The following WDR49 variants were observed in gnomAD, a reference collection of about 807,000 sequenced individuals.
WDR49 encodes cilia- and flagella-associated protein 337.
In WDR49, 107 loss-of-function variants were observed where a neutral mutation model predicts 119.5. The observed-to-expected ratio is 0.90, with a 90% CI of 0.77 to 1.05. The LOEUF is 1.05. Among genes scored for constraint, WDR49 ranks in the 50% least tolerant of loss-of-function variants. The pLI, the probability that WDR49 is intolerant of heterozygous loss-of-function variation, is 0.00. For missense variants in WDR49, 1,240 were observed against 1,220.5 expected, an observed-to-expected ratio of 1.02 and a Z score of -0.24; for synonymous variants, 425 against 418.8, an observed-to-expected ratio of 1.01 and a Z score of -0.18.
chr3:167,514,701 G>A (rs1392981763), intron 16 of WDR49, among the ~76,000 whole-genome samples: 3 of 148,064 alleles, frequency 2.0e-5, no homozygotes, highest in Non-Finnish European at 4.5e-5. Context: ...CCCTAAACTG[G>A]CTTTTTGAAA....
At chr3:167,544,954 A>G (rs530291140) in intron 10 of WDR49, among the ~76,000 whole-genome samples, 1 of 152,122 alleles carries the variant, frequency 6.6e-6, no homozygotes, top group East Asian at 1.9e-4. Context: ...TTCAACAAAG[A>G]ATTAATTTCC....
At chr3:167,484,821 T>C (rs937068799) in intron 18 of WDR49, among the ~76,000 whole-genome samples, 1 of 151,930 alleles carries the variant, frequency 6.6e-6, no homozygotes, top group Non-Finnish European at 1.5e-5. Context: ...AGAAATACCA[T>C]TTGACTCAGC....
intron 7 of WDR49, among the ~76,000 whole-genome samples, chr3:167,590,239 C>A (rs1481309446): frequency 6.6e-6 from 1 of 152,078 alleles, no homozygotes. Context: ...TTCTTGCAAC[C>A]TTGGGATAAA....
intron 18 of WDR49, among the ~76,000 whole-genome samples, chr3:167,491,413 A>T (rs1278464034): frequency 6.6e-6 from 1 of 151,844 alleles, no homozygotes; most frequent in Non-Finnish European, 1.5e-5. Flanking sequence ...ATATTCCAGG[A>T]CCCTCTCTTT....
chr3:167,486,690 A>G (rs1481443005), intron 18 of WDR49, among the ~76,000 whole-genome samples: 1 of 152,152 alleles, frequency 6.6e-6, no homozygotes, highest in Non-Finnish European at 1.5e-5. Context: ...TAACTATCCT[A>G]AATAGACACA....
intron 8 of WDR49, chr3:167,566,984 T>C: frequency 1.8e-6 from 1 of 550,852 alleles, no homozygotes; most frequent in Non-Finnish European, 3.2e-6. Flanking sequence ...AGGCAGGAGG[T>C]CAGGAGAGGT....
intron 5 of WDR49, among the ~76,000 whole-genome samples, chr3:167,614,150 T>C (rs1716486295): frequency 6.6e-6 from 1 of 152,044 alleles, no homozygotes; most frequent in Admixed American, 6.6e-5. Flanking sequence ...GTTGGAGTGC[T>C]ATGGGCAATG....
At chr3:167,606,788 A>C (rs1288306719) in intron 5 of WDR49, among the ~76,000 whole-genome samples, 1 of 152,180 alleles carries the variant, frequency 6.6e-6, no homozygotes, top group East Asian at 1.9e-4. Context: ...CAGAGAGGGC[A>C]GTGAGTGACC....
chr3:167,617,397 C>T (rs1716649300), intron 5 of WDR49, among the ~76,000 whole-genome samples: 1 of 152,070 alleles, frequency 6.6e-6, no homozygotes, highest in Non-Finnish European at 1.5e-5. Context: ...CATGGTGGCA[C>T]ATGCCTGTAA....
At chr3:167,562,490 C>T (rs777819521) in intron 8 of WDR49, among the ~76,000 whole-genome samples, 2 of 152,082 alleles carry the variant, frequency 1.3e-5, no homozygotes, top group African/African-American at 4.8e-5. Context: ...TGAAGTAAAC[C>T]TGTATTTATG....
chr3:167,647,179 G>A (rs1718167185), intron 2 of WDR49, among the ~76,000 whole-genome samples: 1 of 152,136 alleles, frequency 6.6e-6, no homozygotes, highest in African/African-American at 2.4e-5. Flanking sequence ...CACTACACAT[G>A]AACAGCAGTA....
At position 167,626,847 on chromosome 3, in the gene WDR49, T is replaced by C. The variant is rs768478434; in HGVS notation, c.606+5A>G. ...GCAGTACATTTTTTTATAAAGAGTCTGTACCTTGTTTACATTTTCCAGAGA... is the reference window on the plus strand; with the variant it reads ...GCAGTACATTTTTTTATAAAGAGTCCGTACCTTGTTTACATTTTCCAGAGA... On this transcript the variant is annotated splice_donor_5th_base_variant and intron_variant, in intron 3 of 18. Transcript: ENST00000682715. 4.0e-6 allele frequency: 5 copies of C among 1,247,106 alleles called. No homozygotes were observed. Among genetic ancestry groups the C allele is most frequent in the Non-Finnish European group, 5.0e-6 (5 of 995,516 alleles). 77.3% of individuals were successfully genotyped at this position (1,247,106 alleles called of 1,614,324 possible). A position where few individuals can be genotyped will look rare whatever the true frequency, so the allele number is the denominator to read the frequency against.
chr3:167,640,906 A>G (rs1717851786), intron 2 of WDR49, among the ~76,000 whole-genome samples: 1 of 151,782 alleles, frequency 6.6e-6, no homozygotes, highest in South Asian at 2.1e-4. Flanking sequence ...TATTTTAATA[A>G]TGGAAGTGTC....
chr3:167,625,098 G>T (rs1334146618), intron 3 of WDR49, among the ~76,000 whole-genome samples: 1 of 152,052 alleles, frequency 6.6e-6, no homozygotes, highest in African/African-American at 2.4e-5. Context: ...CTGAGGATGA[G>T]AATGATCTAT....
chr3:167,600,180 G>T (rs773300247), intron 7 of WDR49, among the ~76,000 whole-genome samples: 1 of 151,994 alleles, frequency 6.6e-6, no homozygotes, highest in Non-Finnish European at 1.5e-5. Flanking sequence ...GGTCTCTTTC[G>T]AAGTTGTGAA....
chr3:167,621,501 T>A lies in WDR49; in HGVS notation c.749A>T (p.Glu250Val), dbSNP rs553091468. The A allele has an allele frequency of 2.0e-6, 3 of 1,534,700 alleles. No homozygotes were observed. The South Asian group carries it at 3.6e-5, about 18-fold the overall frequency. ...TATATCCCCAAAAGAAAGAATTGAT[T>A]CATTGGCATCAAGAGGATCATACCA... ...DYWYDPLDAN[E>V]SILSFGDITG... Residue 250 changes from glutamate to valine, a missense_variant, in exon 4 of 19, where the codon GAA becomes GTA. Physicochemically the swap from Glu to Val is moderately radical, Grantham distance 121. Transcript: ENST00000682715.
In WDR49 at chr3:167,497,928, A is replaced by G. The variant is rs1577198377; in HGVS notation, c.3031+2225T>C. 3.0e-5 allele frequency among the ~76,000 whole-genome samples: 4 copies of G among 131,702 alleles called. No individual in the cohort carries two copies. In the South Asian group the frequency reaches 9.3e-4, roughly 30 times the overall value. 86.4% of individuals were successfully genotyped at this position (131,702 alleles called of 152,430 possible). A position where few individuals can be genotyped will look rare whatever the true frequency, so the allele number is the denominator to read the frequency against. On this transcript the variant is annotated intron_variant, in intron 18 of 18. Coordinates refer to ENST00000682715, the MANE Select transcript of WDR49 (RefSeq NM_001366157.1). The stretch of plus-strand genomic sequence containing the variant: ...GTGCAGTGGCACAATTTCGGCCTCC[A>G]CCTTCCGAGTTCAAGAGATTCCCCT...
intron 7 of WDR49, among the ~76,000 whole-genome samples, chr3:167,597,113 G>C (rs1430621019): frequency 6.6e-6 from 1 of 152,216 alleles, no homozygotes; most frequent in African/African-American, 2.4e-5. Flanking sequence ...CAAAGGCCTA[G>C]GTGGGAAAAA....
intron 5 of WDR49, among the ~76,000 whole-genome samples, chr3:167,611,370 A>G (rs1403634792): frequency 6.6e-6 from 1 of 152,198 alleles, no homozygotes; most frequent in African/African-American, 2.4e-5. Flanking sequence ...AAACTAAATC[A>G]TATCATCAGA....
Sources: gnomAD v4.1 joint callset for allele counts (sites outside exome capture counted in the v4.1 genomes callset) on GRCh38, gnomAD v4.1.1 for gene constraint, MANE v1.5 for transcripts, NCBI Gene and HGNC (gene_info 2026-07-23, HGNC 2026-07-21) for gene names.